The following FRAS1 variants were observed in gnomAD, a reference collection of about 807,000 sequenced individuals.
The protein encoded by FRAS1 is extracellular matrix organizing protein FRAS1.
Under a neutral mutation model 435.2 loss-of-function variants are expected in FRAS1, and 290 were observed. That is an observed-to-expected ratio of 0.67 (90% CI 0.61 to 0.73). The LOEUF is 0.73. Ranked by LOEUF, FRAS1 falls within the 30% of genes least tolerant of loss-of-function variation. The pLI is 0.00. For missense variants in FRAS1, 4,860 were observed against 5,001.5 expected, an observed-to-expected ratio of 0.97 and a Z score of 0.85; for synonymous variants, 1,800 against 1,851.0, an observed-to-expected ratio of 0.97 and a Z score of 0.71.
chr4:78,401,653 G>T (rs924440691), intron 30 of FRAS1, among the ~76,000 whole-genome samples: 1 of 151,538 alleles, frequency 6.6e-6, no homozygotes, highest in South Asian at 2.1e-4. Flanking sequence ...TAAAGGGACA[G>T]AGTAGAAACA....
chr4:78,121,405 T>C (rs772891780), intron 2 of FRAS1, among the ~76,000 whole-genome samples: 11 of 152,186 alleles, frequency 7.2e-5, no homozygotes, highest in Non-Finnish European at 1.6e-4. Flanking sequence ...GGGGCCTCTG[T>C]AACCCAGTGA....
intron 2 of FRAS1, among the ~76,000 whole-genome samples, chr4:78,094,104 G>GT (rs71214395): frequency 0.021 from 2,264 of 106,528 alleles, 22 homozygotes; most frequent in East Asian, 0.049. Context: ...GAATAACCAA[G>GT]TTTTTTTTTT....
At chr4:78,483,778 C>CTA (rs1426383915) in intron 58 of FRAS1, among the ~76,000 whole-genome samples, 3 of 76,134 alleles carry the variant, frequency 3.9e-5, no homozygotes, top group Admixed American at 1.5e-4. Context: ...CTCTCTCTCT[C>CTA]TCTCTATATA....
chr4:78,406,049 C>G (rs1345380712), intron 30 of FRAS1, among the ~76,000 whole-genome samples: 1 of 152,144 alleles, frequency 6.6e-6, no homozygotes, highest in African/African-American at 2.4e-5. Flanking sequence ...TTCCTTGCCT[C>G]AGTTCCAATA....
chr4:78,357,609 A>G (rs1214871333), intron 20 of FRAS1, among the ~76,000 whole-genome samples: 1 of 152,142 alleles, frequency 6.6e-6, no homozygotes, highest in Non-Finnish European at 1.5e-5. Context: ...TGCACATTAA[A>G]GAACTTTTTC....
intron 2 of FRAS1, among the ~76,000 whole-genome samples, chr4:78,171,621 C>G (rs1012540600): frequency 2.0e-5 from 3 of 152,160 alleles, no homozygotes; most frequent in African/African-American, 7.2e-5. Context: ...TCTCTTACCA[C>G]TCTTTCCATG....
intron 2 of FRAS1, 103 bp downstream of exon 2, chr4:78,066,119 A>AT: frequency 2.4e-6 from 2 of 819,924 alleles, no homozygotes; most frequent in Non-Finnish European, 4.1e-6. Flanking sequence ...GAATATGTTT[A>AT]TTTTTCTTCA....
chr4:78,299,806 C>T (rs1728305542), intron 14 of FRAS1, among the ~76,000 whole-genome samples: 1 of 152,216 alleles, frequency 6.6e-6, no homozygotes, highest in South Asian at 2.1e-4. Flanking sequence ...ACTTTCCATT[C>T]ATCATTTCCT....
At chr4:78,195,264 C>T (rs1437396305) in intron 2 of FRAS1, among the ~76,000 whole-genome samples, 6 of 152,238 alleles carry the variant, frequency 3.9e-5, no homozygotes, top group African/African-American at 1.4e-4. Flanking sequence ...AGATGTCCAG[C>T]TGCGTGCTGG....
chr4:78,345,177 C>A (rs938957576), intron 20 of FRAS1, among the ~76,000 whole-genome samples: 2 of 152,144 alleles, frequency 1.3e-5, no homozygotes, highest in Non-Finnish European at 2.9e-5. Context: ...ATTATTAATA[C>A]TAGTAATGGT....
At chr4:78,508,269 A>G (rs1031240981) in intron 62 of FRAS1, among the ~76,000 whole-genome samples, 2 of 152,246 alleles carry the variant, frequency 1.3e-5, no homozygotes, top group African/African-American at 4.8e-5. Context: ...CTTGTCTCAT[A>G]TATTAGAAAA....
In FRAS1 at chr4:78,269,393, C is replaced by T. The variant is rs866611342; in HGVS notation, c.981+1961C>T. Among the ~76,000 whole-genome samples the T allele has an allele frequency of 2.0e-5, 3 of 152,196 alleles. No homozygotes were observed. The East Asian group carries it at 5.8e-4, about 29-fold the overall frequency. ...TTGATATTTTTATTCAGTTCTACCC[C>T]ACTTTCTGCCTGCCTCCTTCTCTAA... On this transcript the variant is annotated intron_variant, in intron 9 of 73. Transcript: ENST00000512123.
At chr4:78,281,541 C>A in intron 11 of FRAS1, 108 bp downstream of exon 11, 1 of 617,626 alleles carries the variant, frequency 1.6e-6, no homozygotes, top group Non-Finnish European at 2.8e-6. Context: ...TTTTAACAGC[C>A]ACATTTGATG....
At chr4:78,148,232 G>A (rs1720499775) in intron 2 of FRAS1, among the ~76,000 whole-genome samples, 1 of 152,058 alleles carries the variant, frequency 6.6e-6, no homozygotes, top group Non-Finnish European at 1.5e-5. Context: ...TTTGGACCTG[G>A]AAAGTAGCTT....
At position 78,208,171 on chromosome 4, in the gene FRAS1, G is replaced by T. The variant is rs183069493; in HGVS notation, c.109-29339G>T. 2.0e-5 allele frequency among the ~76,000 whole-genome samples: 3 copies of T among 152,288 alleles called. No homozygotes were observed. In the East Asian group the frequency reaches 5.8e-4, roughly 29 times the overall value. ...GCCCGGAGCCTGATAGACCAACTGG[G>T]CGGGTAGACCCAGAAGAGAGATAAC... On this transcript the variant is annotated intron_variant, in intron 2 of 73. Coordinates refer to ENST00000512123, the MANE Select transcript of FRAS1 (RefSeq NM_025074.7).
chr4:78,515,467 T>G (rs1310421060), intron 65 of FRAS1, among the ~76,000 whole-genome samples: 1 of 152,156 alleles, frequency 6.6e-6, no homozygotes, highest in Non-Finnish European at 1.5e-5. Flanking sequence ...AGGACCAGAC[T>G]TGCCAGGTAT....
chr4:78,388,217 C>T (rs555620715), intron 29 of FRAS1, among the ~76,000 whole-genome samples: 14 of 150,654 alleles, frequency 9.3e-5, no homozygotes, highest in African/African-American at 2.9e-4. Flanking sequence ...CCTAGCTACT[C>T]GGGAGGCTGA....
At chr4:78,527,042 T>C (rs1462264117) in intron 70 of FRAS1, among the ~76,000 whole-genome samples, 2 of 152,176 alleles carry the variant, frequency 1.3e-5, no homozygotes, top group Non-Finnish European at 2.9e-5. Context: ...ATGATAACCA[T>C]GAGTTCAATA....
intron 2 of FRAS1, among the ~76,000 whole-genome samples, chr4:78,117,030 C>A (rs4324565): frequency 6.6e-6 from 1 of 151,932 alleles, no homozygotes; most frequent in Non-Finnish European, 1.5e-5. Context: ...GGCCTGGTGG[C>A]GACAAAATCT....
Sources: gnomAD v4.1 joint callset for allele counts (sites outside exome capture counted in the v4.1 genomes callset) on GRCh38, gnomAD v4.1.1 for gene constraint, MANE v1.5 for transcripts, NCBI Gene and HGNC (gene_info 2026-07-23, HGNC 2026-07-21) for gene names.